TUB: variants seen among roughly 807,000 people sequenced by gnomAD.
The protein encoded by TUB is TUB bipartite transcription factor.
In TUB, 33 loss-of-function variants were observed where a neutral mutation model predicts 59.7. That is an observed-to-expected ratio of 0.55 (90% CI 0.42 to 0.74). TUB has a LOEUF of 0.74. Among genes scored for constraint, TUB ranks in the 30% least tolerant of loss-of-function variants. The pLI, the probability that TUB is intolerant of heterozygous loss-of-function variation, is 0.00. For synonymous variants in TUB, 293 were observed against 256.4 expected (o/e 1.14, Z -1.36); for missense variants, 659 against 672.0 (o/e 0.98, Z 0.21).
At chr11:8,082,044 C>T (rs1354097360) in intron 1 of TUB, among the ~76,000 whole-genome samples, 1 of 152,214 alleles carries the variant, frequency 6.6e-6, no homozygotes, top group Non-Finnish European at 1.5e-5. Context: ...TGGACATGCA[C>T]CCGTATATTC....
chr11:8,052,946 A>G (rs988831946), intron 2 of TUB, among the ~76,000 whole-genome samples: 2 of 152,220 alleles, frequency 1.3e-5, no homozygotes, highest in Non-Finnish European at 2.9e-5. Context: ...TATGCAAATA[A>G]TGATCAGTTT....
upstream of TUB, among the ~76,000 whole-genome samples, chr11:8,036,485 A>G (rs1942648514): frequency 2.0e-5 from 3 of 152,222 alleles, no homozygotes; most frequent in Admixed American, 6.5e-5. Flanking sequence ...TCAGTGCACT[A>G]ATGCAAAGCA....
In TUB at chr11:8,040,739, A is replaced by G. The variant is rs181834598; in HGVS notation, c.203+1047A>G. ...GGAGGAGGAGGGGTGCAAGTAGTGAACCCCAGAGGGATGACTCTGCTGTGA... is the reference window on the plus strand; with the variant it reads ...GGAGGAGGAGGGGTGCAAGTAGTGAGCCCCAGAGGGATGACTCTGCTGTGA... On this transcript the variant is annotated intron_variant, in intron 2 of 12. Transcript: ENST00000305253. 5.0e-4 allele frequency among the ~76,000 whole-genome samples: 76 copies of G among 152,146 alleles called. 1 individual carries two copies. In the East Asian group the frequency reaches 0.011, roughly 23 times the overall value.
At chr11:8,100,247 C>G (rs1160658908) in intron 9 of TUB, among the ~76,000 whole-genome samples, 2 of 151,904 alleles carry the variant, frequency 1.3e-5, no homozygotes, top group African/African-American at 4.8e-5. Flanking sequence ...CGAGTGTGAC[C>G]AAGTAGTTTG....
exon 1 of TUB, chr11:8,038,658 G>A (rs1008214972): frequency 9.8e-5 from 131 of 1,343,478 alleles, no homozygotes; most frequent in Middle Eastern, 2.8e-4. Flanking sequence ...TGGTCCTGAA[G>A]GGTTTGGGGG....
At chr11:8,026,410 C>T (rs537204756) in intron 1 of TUB, among the ~76,000 whole-genome samples, 1 of 150,366 alleles carries the variant, frequency 6.7e-6, no homozygotes, top group Admixed American at 6.6e-5. Context: ...TCTAATTTTA[C>T]ATTTTAAATT....
chr11:8,039,079 G>T (rs573902059), intron 1 of TUB: 3 of 1,593,580 alleles, frequency 1.9e-6, no homozygotes, highest in African/African-American at 2.7e-5. Flanking sequence ...CATTGCGTCA[G>T]CTCCACCCAC....
chr11:8,070,395 A>G (rs1457113981), intron 2 of TUB, among the ~76,000 whole-genome samples: 2 of 152,188 alleles, frequency 1.3e-5, no homozygotes, highest in Non-Finnish European at 2.9e-5. Flanking sequence ...ACCACTGTAA[A>G]TGAGATCTTT....
upstream of TUB, among the ~76,000 whole-genome samples, chr11:8,033,784 A>G (rs1942608508): frequency 6.6e-6 from 1 of 152,202 alleles, no homozygotes; most frequent in Non-Finnish European, 1.5e-5. Context: ...TTTTAGTGTC[A>G]AGCTGCCTGA....
chr11:8,067,321 C>T (rs1457715738), intron 2 of TUB: 6 of 152,224 alleles, frequency 3.9e-5, no homozygotes, highest in Non-Finnish European at 8.8e-5. Context: ...TGGCCCCTGG[C>T]TCTGCTCCTC....
exon 1 of TUB, chr11:8,038,732 C>T (rs1942688635): frequency 6.7e-7 from 1 of 1,498,040 alleles, no homozygotes; most frequent in Admixed American, 2.3e-5. Context: ...GTTAGTCTGA[C>T]TGTTGCCACG....
At chr11:8,097,168 C>A (rs1944033764) in intron 6 of TUB, 60 bp from the exon 7 acceptor site, 1 of 1,585,024 alleles carries the variant, frequency 6.3e-7, no homozygotes, top group Non-Finnish European at 8.6e-7. Flanking sequence ...GGATCCCAGA[C>A]CACCAATTTG....
chr11:8,054,299 ATTTAT>A (rs2133759999), intron 2 of TUB, among the ~76,000 whole-genome samples: 1 of 151,866 alleles, frequency 6.6e-6, no homozygotes, highest in South Asian at 2.1e-4. Context: ...GAGATTTTTA[ATTTAT>A]TAGTCTAGAA....
At chr11:8,069,582 C>T (rs188476912) in intron 2 of TUB, among the ~76,000 whole-genome samples, 54 of 152,190 alleles carry the variant, frequency 3.5e-4, no homozygotes, top group Admixed American at 3.3e-3. Context: ...TCTCATTAGC[C>T]GTCATCAGAA....
At chr11:8,054,010 G>C (rs746801695) in intron 2 of TUB, among the ~76,000 whole-genome samples, 3 of 151,794 alleles carry the variant, frequency 2.0e-5, no homozygotes, top group Non-Finnish European at 2.9e-5. Flanking sequence ...AGCTACTCGG[G>C]AGGCTGAGGC....
At chr11:8,057,199 G>A (rs542364409) in intron 2 of TUB, among the ~76,000 whole-genome samples, 54 of 152,204 alleles carry the variant, frequency 3.5e-4, no homozygotes, top group Middle Eastern at 3.4e-3. Flanking sequence ...AATCGATTGC[G>A]CAATAAAGGA....
At chr11:8,077,623 C>G (rs190550770), upstream of TUB, 1 of 152,188 alleles carries the variant, frequency 6.6e-6, no homozygotes, top group African/African-American at 2.4e-5. Flanking sequence ...CAGGGCCCAA[C>G]ACAACTATCA....
chr11:8,096,619 A>G, intron 5 of TUB, 66 bp from the exon 6 acceptor site: 1 of 1,047,234 alleles, frequency 9.5e-7, no homozygotes, highest in Non-Finnish European at 1.5e-6. Flanking sequence ...GTATGTGACC[A>G]TGTGTATTTC....
chr11:8,030,123 G>A (rs1296526767), intron 1 of TUB, among the ~76,000 whole-genome samples: 2 of 152,098 alleles, frequency 1.3e-5, no homozygotes, highest in African/African-American at 4.8e-5. Context: ...GGTGGGGCAT[G>A]GACTTTTCAG....
Sources: allele counts gnomAD v4.1 joint callset (sites outside exome capture counted in the v4.1 genomes callset), GRCh38; gene constraint gnomAD v4.1.1; transcripts MANE v1.5; gene names NCBI Gene and HGNC (gene_info 2026-07-23, HGNC 2026-07-21).